The following NAMPT variants were observed in gnomAD, a reference collection of about 807,000 sequenced individuals.
NAMPT encodes the protein NAmPRTase.
NAMPT carries 7 observed loss-of-function variants against 58.7 expected under a neutral mutation model. The observed-to-expected ratio is 0.12, with a 90% CI of 0.07 to 0.22. The LOEUF is 0.22. Ranked by LOEUF, NAMPT falls within the 10% of genes least tolerant of loss-of-function variation. The pLI is 1.00. For missense variants in NAMPT, 271 were observed against 567.9 expected (o/e 0.48, Z 5.31); for synonymous variants, 145 against 198.1 (o/e 0.73, Z 2.25).
chr7:106,284,666 G>A (rs1792832956), intron 1 of NAMPT, 162 bp downstream of exon 1: 1 of 832,272 alleles, frequency 1.2e-6, no homozygotes, highest in Non-Finnish European at 1.5e-6. Flanking sequence ...CTCCTCACCT[G>A]CCCCAGCCGC....
intron 1 of NAMPT, 67 bp downstream of exon 1, chr7:106,284,761 C>T: frequency 1.4e-6 from 2 of 1,382,220 alleles, no homozygotes. Context: ...CCGCCCCCGC[C>T]CCCCTGCCGC....
rs17152826 is a variant in NAMPT at position 106,270,433 on chromosome 7, C to A, written c.448-1121G>T. 1,598 of 218,334 alleles carry A rather than the reference C, an allele frequency of 7.3e-3. 31 individuals are homozygous for A. Among genetic ancestry groups the A allele is most frequent in the African/African-American group, 0.036 (1,516 of 42,414 alleles). 13.5% of individuals were successfully genotyped at this position (218,334 alleles called of 1,614,324 possible). ...AACAAATAAAAAGATTAACCTTGAA[C>A]TTGCCAATCTAGTCATCTTTTTAAA... On this transcript the variant is annotated intron_variant, in intron 4 of 10. Coordinates refer to ENST00000222553, the MANE Select transcript of NAMPT (RefSeq NM_005746.3).
chr7:106,267,820 G>A lies in NAMPT; in HGVS notation c.743+644C>T, dbSNP rs552433192. Among the ~76,000 whole-genome samples the A allele has an allele frequency of 7.6e-3, 650 of 85,186 alleles. 6 individuals are homozygous for A. Among genetic ancestry groups the A allele is most frequent in the African/African-American group, 0.027 (625 of 23,326 alleles). 55.9% of individuals were successfully genotyped at this position (85,186 alleles called of 152,430 possible). ...CCCGCCACTGCACTCCAGCCTGGGC[G>A]ACAGAGCGAGACTCCGTCTCAAAAA... On this transcript the variant is annotated intron_variant, in intron 6 of 10. Transcript: ENST00000222553.
intron 8 of NAMPT, among the ~76,000 whole-genome samples, chr7:106,260,028 T>C (rs778774569): frequency 9.9e-5 from 15 of 152,052 alleles, no homozygotes; most frequent in Non-Finnish European, 1.9e-4. Flanking sequence ...ATTCTAAGGG[T>C]CCTAGGATTA....
chr7:106,272,510 G>A lies in NAMPT; in HGVS notation c.447+20C>T, dbSNP rs774641179. 1 of 1,591,000 alleles carries A rather than the reference G, an allele frequency of 6.3e-7. No individual in the cohort carries two copies. Among genetic ancestry groups the A allele is most frequent in the Non-Finnish European group, 8.6e-7 (1 of 1,165,894 alleles). On this transcript the variant is annotated intron_variant, in intron 4 of 10. Transcript: ENST00000222553. ...TCTTTATTCAATTAATGTTAAATAA[G>A]AATTAAAAAAACAATTTACCTCAAT...
chr7:106,265,005 A>G (rs1792384323), intron 6 of NAMPT, among the ~76,000 whole-genome samples: 1 of 152,112 alleles, frequency 6.6e-6, no homozygotes. Flanking sequence ...AAATTGAGAG[A>G]GAACCTGTTT....
intron 7 of NAMPT, chr7:106,263,179 A>G (rs1792342036): frequency 3.8e-6 from 2 of 526,540 alleles, no homozygotes; most frequent in Non-Finnish European, 6.7e-6. Context: ...CAAATGTCTA[A>G]TTGACAGTAA....
At chr7:106,282,176 C>T (rs1030282515) in intron 1 of NAMPT, among the ~76,000 whole-genome samples, 8 of 151,770 alleles carry the variant, frequency 5.3e-5, no homozygotes, top group Non-Finnish European at 8.8e-5. Context: ...AGACAAGCAA[C>T]AAAAATTTGT....
intron 5 of NAMPT, 59 bp from the exon 6 acceptor site, chr7:106,268,659 C>A: frequency 8.4e-7 from 1 of 1,190,796 alleles, no homozygotes. Flanking sequence ...TTAATAATAC[C>A]AGGATGCAGC....
chr7:106,253,553 C>A (rs1792139731), intron 9 of NAMPT: 2 of 169,394 alleles, frequency 1.2e-5, no homozygotes, highest in African/African-American at 2.4e-5. Context: ...ACCACACACA[C>A]AATCTTTGGA....
chr7:106,285,232 G>C, upstream of NAMPT: 1 of 994,014 alleles, frequency 1.0e-6, no homozygotes, highest in Non-Finnish European at 1.2e-6. Context: ...GGAGGAGGAC[G>C]TGATGCACGC....
chr7:106,261,006 C>T (rs1792292273), intron 8 of NAMPT, among the ~76,000 whole-genome samples: 1 of 152,136 alleles, frequency 6.6e-6, no homozygotes, highest in African/African-American at 2.4e-5. Flanking sequence ...GAAGTGAATA[C>T]ATGTTGGAAA....
chr7:106,284,802 T>C (rs539451815), intron 1 of NAMPT, 26 bp downstream of exon 1: 2 of 1,200,432 alleles, frequency 1.7e-6, no homozygotes, highest in South Asian at 1.6e-5. Context: ...CCGCTCCTCC[T>C]CATCTGCCCG....
intron 6 of NAMPT, among the ~76,000 whole-genome samples, chr7:106,264,453 C>G (rs575596415): frequency 1.3e-5 from 2 of 152,024 alleles, no homozygotes; most frequent in South Asian, 4.1e-4. Flanking sequence ...TTCTGAATTT[C>G]AAATTTTTTC....
intron 1 of NAMPT, among the ~76,000 whole-genome samples, chr7:106,279,191 T>A (rs1792708561): frequency 6.6e-6 from 1 of 152,232 alleles, no homozygotes; most frequent in Admixed American, 6.5e-5. Context: ...GAATGCCTTC[T>A]CTGAAAACAA....
At chr7:106,256,735 C>T (rs144587394) in intron 8 of NAMPT, among the ~76,000 whole-genome samples, 5 of 152,286 alleles carry the variant, frequency 3.3e-5, no homozygotes, top group East Asian at 1.9e-4. Context: ...GGCTAAACTA[C>T]GAGGTCTAGT....
chr7:106,259,340 TGCTGACATTTTAAC>T (rs539663843), intron 8 of NAMPT, among the ~76,000 whole-genome samples: 80 of 152,358 alleles, frequency 5.3e-4, no homozygotes, highest in Non-Finnish European at 1.0e-3. Context: ...CTCCTGTTAA[TGCTGACATTTTAAC>T]GTCCTCCCAT....
intron 5 of NAMPT, 115 bp from the exon 6 acceptor site, chr7:106,268,715 T>C: frequency 1.4e-6 from 1 of 733,156 alleles, no homozygotes; most frequent in Non-Finnish European, 2.3e-6. Flanking sequence ...AGAATTGTCT[T>C]TCTCTTAGGA....
At chr7:106,257,627 CA>C (rs71156310) in intron 8 of NAMPT, among the ~76,000 whole-genome samples, 36 of 139,470 alleles carry the variant, frequency 2.6e-4, no homozygotes, top group African/African-American at 4.7e-4. Flanking sequence ...GAGTCCCTGT[CA>C]AAAAAAAAAA....
Sources: gnomAD v4.1 joint callset for allele counts (sites outside exome capture counted in the v4.1 genomes callset) on GRCh38, gnomAD v4.1.1 for gene constraint, MANE v1.5 for transcripts, NCBI Gene and HGNC (gene_info 2026-07-23, HGNC 2026-07-21) for gene names.